Variants in FCRL3 observed in about 807,000 individuals in gnomAD.
FCRL3 encodes the protein Fc receptor-like protein 3.
Under a neutral mutation model 75.0 loss-of-function variants are expected in FCRL3, and 89 were observed. The ratio of observed to expected loss-of-function variants is 1.19; its 90% CI spans 1.00 to 1.42. The LOEUF is 1.42. FCRL3 is among the 40% of genes most tolerant of loss of function. The pLI is 0.00. For synonymous variants in FCRL3, 376 were observed against 348.5 expected (o/e 1.08, Z -0.88); for missense variants, 946 against 880.0 (o/e 1.07, Z -0.95).
chr1:157,682,203 C>A (rs1030077198), intron 11 of FCRL3, among the ~76,000 whole-genome samples: 3 of 152,126 alleles, frequency 2.0e-5, no homozygotes, highest in African/African-American at 7.2e-5. Flanking sequence ...TGCCTGTTCA[C>A]TCTGATGGTA....
At chr1:157,689,197 A>G (rs2101605780) in intron 10 of FCRL3, among the ~76,000 whole-genome samples, 1 of 152,350 alleles carries the variant, frequency 6.6e-6, no homozygotes, top group East Asian at 1.9e-4. Context: ...AGAAATTAAT[A>G]TTGGAAAGGA....
chr1:157,698,250 T>G, intron 4 of FCRL3, 134 bp downstream of exon 4: 1 of 1,108,954 alleles, frequency 9.0e-7, no homozygotes, highest in Non-Finnish European at 1.3e-6. Context: ...CCCTATCTCT[T>G]TATTTTCCCC....
At chr1:157,682,214 A>G (rs986290385) in intron 11 of FCRL3, among the ~76,000 whole-genome samples, 6 of 151,982 alleles carry the variant, frequency 3.9e-5, no homozygotes, top group Non-Finnish European at 7.4e-5. Context: ...TCTGATGGTA[A>G]TTTCTTTTGC....
chr1:157,697,952 C>A (rs1232854069), intron 4 of FCRL3, 33 bp from the exon 5 acceptor site: 3 of 1,602,384 alleles, frequency 1.9e-6, no homozygotes, highest in Non-Finnish European at 2.6e-6. Context: ...CTCAGGTTAT[C>A]CCCTGCTGTT....
chr1:157,690,367 T>C lies in FCRL3; in HGVS notation c.1578A>G (p.Gly526=), dbSNP rs1263955013. Residue 526 remains glycine, a synonymous_variant, in exon 9 of 15, where the codon GGA becomes GGG. Transcript: ENST00000368184. ...TLGNISAHSG[G]GASFNLSLTT... is the part of the protein sequence containing the mutation. ...TCAGAGAGAGGTTGAAGGATGCCCCTCCTCCAGAGTGGGCCGAGATGTTCC... is the reference window on the plus strand; with the variant it reads ...TCAGAGAGAGGTTGAAGGATGCCCCCCCTCCAGAGTGGGCCGAGATGTTCC... The C allele has an allele frequency of 1.2e-6, 2 of 1,614,184 alleles. No individual in the cohort carries two copies. The highest frequency in any genetic ancestry group is 1.7e-6 in the Non-Finnish European group (2 of 1,180,034).
At position 157,676,692 on chromosome 1, in the gene FCRL3, A is replaced by G. The variant is rs1010976645; in HGVS notation, c.*2018T>C. The G allele has an allele frequency of 6.5e-7, 1 of 1,548,922 alleles. No individual in the cohort carries two copies. Among genetic ancestry groups the G allele is most frequent in the Non-Finnish European group, 8.7e-7 (1 of 1,145,546 alleles). The stretch of plus-strand genomic sequence containing the variant: ...AGGACTCACCCCTTCTTCCACTCAC[A>G]TACTCTGATTTGCACAGGGCTAAGT... On this transcript the variant is annotated 3_prime_UTR_variant, in exon 15 of 15. Coordinates refer to ENST00000368184, the MANE Select transcript of FCRL3 (RefSeq NM_052939.4).
In FCRL3 at chr1:157,697,983, C is replaced by T. The variant is rs1656064630; in HGVS notation, c.299-64G>A. 9.0e-6 allele frequency: 14 copies of T among 1,552,514 alleles called. No homozygotes were observed. In the South Asian group the frequency reaches 1.2e-4, roughly 13 times the overall value. Reference sequence around the variant, plus strand: ...CTGTTTCTGCCTTCACTTTCATTTCCACCCATGAGGCAAGAGCCACAGTTC... The same window carrying T: ...CTGTTTCTGCCTTCACTTTCATTTCTACCCATGAGGCAAGAGCCACAGTTC... On this transcript the variant is annotated intron_variant, in intron 4 of 14. Transcript: ENST00000368184.
rs190283026 is a variant in FCRL3, at chr1:157,699,920, T to C, written c.32-208A>G. ...AGGCCTGACCTCATCTCTGCTATTA[T>C]TTACTTGGCCACGGCACACTTTATT... On this transcript the variant is annotated intron_variant, in intron 2 of 14. Transcript: ENST00000368184. Among the ~76,000 whole-genome samples, 21 of 152,326 alleles carry C rather than the reference T, an allele frequency of 1.4e-4. 1 individual carries two copies. In the South Asian group the frequency reaches 2.5e-3, roughly 18 times the overall value.
intron 10 of FCRL3, among the ~76,000 whole-genome samples, chr1:157,684,818 A>G (rs940286568): frequency 2.0e-5 from 3 of 152,160 alleles, no homozygotes; most frequent in African/African-American, 4.8e-5. Context: ...CAAAAAACCT[A>G]TCATTCCTTT....
Position 157,676,918 on chromosome 1 carries a change from C to A in FCRL3, c.*1792G>T. On this transcript the variant is annotated 3_prime_UTR_variant, in exon 15 of 15. Transcript: ENST00000368184. ...CATATACAGCCTGGTGGTTGGTACC[C>A]AAAACCGGTTTACATATTTTCACCA... The A allele has an allele frequency of 7.0e-7, 1 of 1,431,154 alleles. No individual in the cohort carries two copies. Among genetic ancestry groups the A allele is most frequent in the Non-Finnish European group, 9.1e-7 (1 of 1,094,994 alleles). 88.7% of individuals were successfully genotyped at this position (1,431,154 alleles called of 1,614,324 possible). A position where few individuals can be genotyped will look rare whatever the true frequency, so the allele number is the denominator to read the frequency against.
intron 8 of FCRL3, among the ~76,000 whole-genome samples, 171 bp from the exon 9 acceptor site, chr1:157,690,704 T>A (rs867074266): frequency 6.6e-6 from 1 of 152,230 alleles, no homozygotes; most frequent in African/African-American, 2.4e-5. Flanking sequence ...CTTGATTTTT[T>A]AAGAACTTTT....
intron 13 of FCRL3, among the ~76,000 whole-genome samples, chr1:157,680,354 T>C (rs1460137034): frequency 3.9e-5 from 6 of 152,196 alleles, no homozygotes; most frequent in Admixed American, 2.0e-4. Context: ...AGAACAGTAG[T>C]AGAAATAAAG....
chr1:157,683,319 C>T, intron 10 of FCRL3, 75 bp from the exon 11 acceptor site: 1 of 1,550,578 alleles, frequency 6.4e-7, no homozygotes, highest in Non-Finnish European at 8.8e-7. Context: ...AACATTTTTT[C>T]CTAGAAATCA....
At position 157,680,773 on chromosome 1, in the gene FCRL3, G is replaced by C. The variant is rs1328792193; in HGVS notation, c.1958-3C>G. 2 of 1,613,258 alleles carry C rather than the reference G, an allele frequency of 1.2e-6. No individual in the cohort carries two copies. The highest frequency in any genetic ancestry group is 2.7e-5 in the African/African-American group (2 of 74,914). ...CGGGTTGCTATCTCCAGGATTTACTGTGAGAGAAGATATCATAGTTGGTTG... is the reference window on the plus strand; with the variant it reads ...CGGGTTGCTATCTCCAGGATTTACTCTGAGAGAAGATATCATAGTTGGTTG... On this transcript the variant is annotated splice_region_variant and splice_polypyrimidine_tract_variant and intron_variant, in intron 12 of 14. Coordinates refer to ENST00000368184, the MANE Select transcript of FCRL3 (RefSeq NM_052939.4).
chr1:157,679,830 C>CAAAAAAAAAAAAAAAAAAAAAA (rs1166825112), intron 13 of FCRL3, among the ~76,000 whole-genome samples: 2 of 49,916 alleles, frequency 4.0e-5, no homozygotes, highest in African/African-American at 1.8e-4. Flanking sequence ...CCCCATCTCA[C>CAAAAAAAAAAAAAAAAAAAAAA]AAAAAAAAAA....
chr1:157,696,480 A>G, intron 6 of FCRL3, 153 bp from the exon 7 acceptor site: 1 of 713,200 alleles, frequency 1.4e-6, no homozygotes, highest in South Asian at 1.9e-5. Flanking sequence ...GTATACGATT[A>G]TAAAGGAAGC....
chr1:157,690,374 GA>G lies in FCRL3; in HGVS notation c.1570del (p.Ser524LeufsTer11), dbSNP rs1292621510. On this transcript the variant is annotated frameshift_variant, in exon 9 of 15. Coordinates refer to ENST00000368184, the MANE Select transcript of FCRL3 (RefSeq NM_052939.4). LOFTEE classifies it high-confidence loss of function. ...DDTLGNISAH[S>X]GGGASFNLSL... ...GAGGTTGAAGGATGCCCCTCCTCCA[GA>G]GTGGGCCGAGATGTTCCCCAAGGTG... 4 of 1,614,104 alleles carry G rather than the reference GA, an allele frequency of 2.5e-6. No individual in the cohort carries two copies. In the African/African-American group the frequency reaches 5.3e-5, roughly 22 times the overall value.
chr1:157,697,931 A>G lies in FCRL3; in HGVS notation c.299-12T>C. The G allele has an allele frequency of 6.2e-7, 1 of 1,612,210 alleles. No individual in the cohort carries two copies. ...CAGGATCAGCCAGTCTGCAAAGAGC[A>G]CAGGAGCACACTCAGGTTATCCCCT... On this transcript the variant is annotated splice_polypyrimidine_tract_variant and intron_variant, in intron 4 of 14. Transcript: ENST00000368184.
chr1:157,687,562 A>G (rs954101919), intron 10 of FCRL3, among the ~76,000 whole-genome samples: 2 of 148,382 alleles, frequency 1.3e-5, no homozygotes, highest in African/African-American at 5.0e-5. Flanking sequence ...TAGACTGGAT[A>G]AAGAAAATGT....
Sources: allele counts gnomAD v4.1 joint callset (sites outside exome capture counted in the v4.1 genomes callset), GRCh38; gene constraint gnomAD v4.1.1; transcripts MANE v1.5; gene names NCBI Gene and HGNC (gene_info 2026-07-23, HGNC 2026-07-21).